PHEX: variants seen among roughly 807,000 people sequenced by gnomAD.
PHEX encodes the protein phosphate-regulating neutral endopeptidase PHEX.
PHEX carries 16 observed loss-of-function variants against 68.0 expected under a neutral mutation model. That is an observed-to-expected ratio of 0.24 (90% CI 0.16 to 0.36). The LOEUF (loss-of-function observed/expected upper bound fraction) is 0.36. Among genes scored for constraint, PHEX ranks in the 10% least tolerant of loss-of-function variants. The pLI, the probability that PHEX is intolerant of heterozygous loss-of-function variation, is 1.00. For synonymous variants in PHEX, 208 were observed against 205.1 expected (o/e 1.01, Z -0.12); for missense variants, 480 against 575.5 (o/e 0.83, Z 1.70).
At chrX:22,073,671 A>C (rs1259744877) in intron 3 of PHEX, among the ~76,000 whole-genome samples, 1 of 77,773 alleles carries the variant, frequency 1.3e-5, no homozygotes, top group African/African-American at 5.2e-5. Context: ...TTGGAAACAC[A>C]CTTTGTCGCC....
chrX:22,233,542 G>T lies in PHEX; in HGVS notation c.2070+5931G>T, dbSNP rs187964013. Among the ~76,000 whole-genome samples the T allele has an allele frequency of 3.6e-5, 4 of 110,713 alleles. No individual in the cohort carries two copies. The Admixed American group carries it at 3.9e-4, about 11-fold the overall frequency. On this transcript the variant is annotated intron_variant, in intron 20 of 21. Coordinates refer to ENST00000379374, the MANE Select transcript of PHEX (RefSeq NM_000444.6). The stretch of plus-strand genomic sequence containing the variant: ...CCTTCTTCTCTAATCTTGTCTTCTC[G>T]CTTTATTTCACTGAGTTGATCTTCA...
chrX:22,153,651 T>C (rs147441628), intron 12 of PHEX, among the ~76,000 whole-genome samples: 132 of 111,624 alleles, frequency 1.2e-3, no homozygotes, highest in African/African-American at 4.0e-3. Context: ...GCAACTCTAA[T>C]AGATGCTACT....
Position 22,204,584 on chromosome X carries a change from G to A in PHEX, c.1646-8320G>A, listed in dbSNP as rs147873954. Among the ~76,000 whole-genome samples, 853 of 111,630 alleles carry A rather than the reference G, an allele frequency of 7.6e-3. 8 individuals are homozygous for A. The highest frequency in any genetic ancestry group is 0.027 in the African/African-American group (818 of 30,694). On this transcript the variant is annotated intron_variant, in intron 15 of 21. Coordinates refer to ENST00000379374, the MANE Select transcript of PHEX (RefSeq NM_000444.6). Reference sequence around the variant, plus strand: ...TTCGAAGGTTGCCCATGTGGCTTAGGACATCATAGGTGCTCAGTAAATGTT... The same window carrying A: ...TTCGAAGGTTGCCCATGTGGCTTAGAACATCATAGGTGCTCAGTAAATGTT...
intron 20 of PHEX, among the ~76,000 whole-genome samples, chrX:22,242,798 G>A (rs988539478): frequency 8.9e-6 from 1 of 111,893 alleles, no homozygotes; most frequent in Non-Finnish European, 1.9e-5. Context: ...ACAAATGGAA[G>A]AACATTCCAT....
intron 17 of PHEX, among the ~76,000 whole-genome samples, chrX:22,221,143 A>C (rs1935255691): frequency 9.0e-6 from 1 of 111,721 alleles, no homozygotes; most frequent in Admixed American, 9.5e-5. Context: ...TGGAGGAAAC[A>C]GGTTCCTATA....
chrX:22,042,754 C>T (rs752185204), intron 2 of PHEX, among the ~76,000 whole-genome samples: 21 of 111,514 alleles, frequency 1.9e-4, no homozygotes, highest in African/African-American at 5.9e-4. Context: ...GTTGAATCTG[C>T]ACTTCAACCC....
chrX:22,065,703 C>T (rs1253709915), intron 3 of PHEX, among the ~76,000 whole-genome samples: 3 of 112,055 alleles, frequency 2.7e-5, no homozygotes, highest in Non-Finnish European at 3.8e-5. Context: ...GGATTACAGA[C>T]GTGAGCCACC....
Position 22,157,058 on chromosome X carries a change from T to A in PHEX, c.1405-11254T>A, listed in dbSNP as rs762794823. 1.5e-3 allele frequency among the ~76,000 whole-genome samples: 167 copies of A among 111,486 alleles called. 1 individual carries two copies. The highest frequency in any genetic ancestry group is 5.1e-3 in the African/African-American group (156 of 30,695). ...CCACCACGCCCAGCTAATTTTTGTA[T>A]TTTTAGTAGAGACAGGGTTTTACCA... On this transcript the variant is annotated intron_variant, in intron 12 of 21. Coordinates refer to ENST00000379374, the MANE Select transcript of PHEX (RefSeq NM_000444.6).
intron 18 of PHEX, among the ~76,000 whole-genome samples, chrX:22,222,797 T>G (rs746652522): frequency 1.8e-5 from 2 of 111,817 alleles, no homozygotes; most frequent in South Asian, 7.5e-4. Flanking sequence ...GAGGTATAGA[T>G]TATTACTAAG....
chrX:22,179,964 C>T lies in PHEX; in HGVS notation c.1586+1588C>T, dbSNP rs372240616. On this transcript the variant is annotated intron_variant, in intron 14 of 21. Coordinates refer to ENST00000379374, the MANE Select transcript of PHEX (RefSeq NM_000444.6). ...TTGTTGCTAATGACAGTTTAGATAGCATGTTGTAGCAACTCTGGATTCTGA... is the reference window on the plus strand; with the variant it reads ...TTGTTGCTAATGACAGTTTAGATAGTATGTTGTAGCAACTCTGGATTCTGA... Among the ~76,000 whole-genome samples the T allele has an allele frequency of 2.1e-4, 23 of 107,230 alleles. 1 individual carries two copies. The East Asian group carries it at 2.3e-3, about 11-fold the overall frequency. The allele number at this position is 107,230 out of a possible 115,157, so 93.1% of individuals were successfully genotyped here.
chrX:22,096,832 G>A, intron 7 of PHEX, 123 bp from the exon 8 acceptor site: 1 of 549,546 alleles, frequency 1.8e-6, no homozygotes, highest in Non-Finnish European at 3.2e-6. Context: ...CCGAGTTGGG[G>A]ACCACACCAA....
At chrX:22,121,957 T>A (rs182079457) in intron 11 of PHEX, among the ~76,000 whole-genome samples, 8 of 112,012 alleles carry the variant, frequency 7.1e-5, no homozygotes, top group Admixed American at 5.7e-4. Context: ...GTGGCGGAGT[T>A]TGAACTTGCA....
chrX:22,168,453 A>T, intron 13 of PHEX, 64 bp downstream of exon 13: 1 of 717,774 alleles, frequency 1.4e-6, no homozygotes, highest in South Asian at 2.2e-5. Flanking sequence ...GTGCCTTTCA[A>T]CTAACCCAAG....
intron 20 of PHEX, among the ~76,000 whole-genome samples, chrX:22,233,924 G>C (rs1271098856): frequency 8.9e-6 from 1 of 112,248 alleles, no homozygotes; most frequent in Admixed American, 9.4e-5. Context: ...GCCTCTTTGT[G>C]CTGGTTTCTC....
At chrX:22,245,464 C>T in intron 21 of PHEX, 55 bp downstream of exon 21, 1 of 810,082 alleles carries the variant, frequency 1.2e-6, no homozygotes, top group South Asian at 2.0e-5. Flanking sequence ...CCCCCTTCCT[C>T]CCCCACCCAG....
At chrX:22,037,777 G>T (rs1299546722) in intron 1 of PHEX, among the ~76,000 whole-genome samples, 3 of 110,886 alleles carry the variant, frequency 2.7e-5, no homozygotes, top group Non-Finnish European at 5.7e-5. Flanking sequence ...ATCAATAGGT[G>T]ATTGAGATAT....
rs756752961 is a variant in PHEX at position 22,226,505 on chromosome X, T to C, written c.1962T>C (p.Phe654=). The C allele has an allele frequency of 2.5e-6, 3 of 1,197,756 alleles. No homozygotes were observed. The highest frequency in any genetic ancestry group is 2.3e-6 in the Non-Finnish European group (2 of 883,483). Residue 654 remains phenylalanine, a synonymous_variant, in exon 19 of 22, where the codon TTT becomes TTC. Coordinates refer to ENST00000379374, the MANE Select transcript of PHEX (RefSeq NM_000444.6). ...IADNGGLREA[F]RAYRKWINDR... Reference sequence around the variant, plus strand: ...ATAATGGAGGCCTGCGGGAAGCTTTTAGGGTATGCGCTGCTACATTTACCG... The same window carrying C: ...ATAATGGAGGCCTGCGGGAAGCTTTCAGGGTATGCGCTGCTACATTTACCG...
Position 22,181,681 on chromosome X carries a change from T to C in PHEX, c.1586+3305T>C, listed in dbSNP as rs900851541. The stretch of plus-strand genomic sequence containing the variant: ...AGATTGCTTTTGGTAGTATGGGCGT[T>C]TTCACAGTATTGATTCTTCTAATCC... On this transcript the variant is annotated intron_variant, in intron 14 of 21. Transcript: ENST00000379374. Among the ~76,000 whole-genome samples, 3 of 111,987 alleles carry C rather than the reference T, an allele frequency of 2.7e-5. No homozygotes were observed. The East Asian group carries it at 8.4e-4, about 31-fold the overall frequency.
chrX:22,105,262 C>T (rs1383333014), intron 9 of PHEX, among the ~76,000 whole-genome samples: 2 of 112,465 alleles, frequency 1.8e-5, no homozygotes, highest in Admixed American at 9.4e-5. Flanking sequence ...TTAAGAAGCA[C>T]TGATGTGGGA....
Sources: allele counts gnomAD v4.1 joint callset (sites outside exome capture counted in the v4.1 genomes callset), GRCh38; gene constraint gnomAD v4.1.1; transcripts MANE v1.5; gene names NCBI Gene and HGNC (gene_info 2026-07-23, HGNC 2026-07-21).